SMAD5: variants seen among roughly 807,000 people sequenced by gnomAD.
SMAD5 encodes SMAD family member 5, also known as MAD, mothers against decapentaplegic homolog 5.
A neutral mutation model predicts 43.1 loss-of-function variants in SMAD5; 9 were observed. The observed-to-expected ratio is 0.21, with a 90% CI of 0.13 to 0.36. The LOEUF (loss-of-function observed/expected upper bound fraction) is 0.36. Among genes scored for constraint, SMAD5 ranks in the 10% least tolerant of loss-of-function variants. The pLI is 1.00. For missense variants in SMAD5, 348 were observed against 574.0 expected (o/e 0.61, Z 4.02); for synonymous variants, 190 against 192.4 (o/e 0.99, Z 0.10).
intron 5 of SMAD5, among the ~76,000 whole-genome samples, chr5:136,163,900 G>T (rs1421212269): frequency 1.3e-5 from 2 of 152,190 alleles, no homozygotes; most frequent in African/African-American, 2.4e-5. Flanking sequence ...AACATTTGCA[G>T]CTGGGCTCAG....
chr5:136,143,347 T>C (rs13178407), intron 1 of SMAD5, among the ~76,000 whole-genome samples: 4 of 151,932 alleles, frequency 2.6e-5, no homozygotes, highest in African/African-American at 9.7e-5. Context: ...CTACGCTTTG[T>C]CCCCCTAGTT....
intron 1 of SMAD5, among the ~76,000 whole-genome samples, chr5:136,143,149 G>GCCT (rs1424036781): frequency 6.6e-6 from 1 of 151,722 alleles, no homozygotes; most frequent in Non-Finnish European, 1.5e-5. Flanking sequence ...TCACCTTCTT[G>GCCT]CCTTGTTTTG....
chr5:136,141,282 C>T (rs935140108), intron 1 of SMAD5, among the ~76,000 whole-genome samples: 1 of 152,108 alleles, frequency 6.6e-6, no homozygotes, highest in African/African-American at 2.4e-5. Context: ...AGGAATAATG[C>T]TTCTGGAGTT....
At chr5:136,175,519 C>T (rs1272666063) in intron 7 of SMAD5, among the ~76,000 whole-genome samples, 1 of 152,126 alleles carries the variant, frequency 6.6e-6, no homozygotes, top group African/African-American at 2.4e-5. Context: ...AGTTTTTCAT[C>T]TACTCTCTTC....
Position 136,153,574 on chromosome 5 carries a change from T to C in SMAD5, c.-169-18T>C, listed in dbSNP as rs1051597260. The C allele has an allele frequency of 1.9e-6, 1 of 530,014 alleles. No homozygotes were observed. The highest frequency in any genetic ancestry group is 3.3e-6 in the Non-Finnish European group (1 of 301,084). The allele number at this position is 530,014 out of a possible 1,614,324, so 32.8% of individuals were successfully genotyped here. ...TGAATTGATTTAAACTAGGATCCTT[T>C]CCCCCTTTCTCTTTCAGGACTTGAC... On this transcript the variant is annotated intron_variant, in intron 2 of 7. Coordinates refer to ENST00000545279, the MANE Select transcript of SMAD5 (RefSeq NM_005903.7).
At position 136,132,974 on chromosome 5, in the gene SMAD5, T is replaced by G. The variant is rs907020526; in HGVS notation, c.-245+12T>G. ...TAGCCGGCTCGCGAGTGAGTGAGGG[T>G]CCCCGGCGCGCGCGGGCGAGGGGAA... On this transcript the variant is annotated intron_variant, in intron 1 of 7. Coordinates refer to ENST00000545279, the MANE Select transcript of SMAD5 (RefSeq NM_005903.7). 6.6e-6 allele frequency: 1 copy of G among 151,866 alleles called. No homozygotes were observed. The highest frequency in any genetic ancestry group is 1.9e-4 in the East Asian group (1 of 5,156). The allele number at this position is 151,866 out of a possible 1,614,324, so 9.4% of individuals were successfully genotyped here. A position where few individuals can be genotyped will look rare whatever the true frequency, so the allele number is the denominator to read the frequency against.
At chr5:136,154,778 C>G (rs1440122228) in intron 3 of SMAD5, among the ~76,000 whole-genome samples, 1 of 152,084 alleles carries the variant, frequency 6.6e-6, no homozygotes, top group Non-Finnish European at 1.5e-5. Context: ...GTCGAGATCA[C>G]TAGTGACTGC....
chr5:136,158,694 T>G (rs542558817), intron 3 of SMAD5, among the ~76,000 whole-genome samples: 113 of 152,202 alleles, frequency 7.4e-4, no homozygotes, highest in Non-Finnish European at 1.3e-3. Context: ...GGTCAGGAGA[T>G]CGAGACAATC....
intron 5 of SMAD5, among the ~76,000 whole-genome samples, chr5:136,167,519 T>C (rs1754063743): frequency 1.3e-5 from 2 of 152,276 alleles, no homozygotes; most frequent in South Asian, 4.2e-4. Context: ...GGCTCACTCC[T>C]GTAATCCCAG....
rs185108955 is a variant in SMAD5, at chr5:136,157,900, G to T, written c.404-2956G>T. Reference sequence around the variant, plus strand: ...GTGGGTTCTGGAGCCAGGCTTTCTGGATTTGAATCCTGGTTTTACCAAATA... The same window carrying T: ...GTGGGTTCTGGAGCCAGGCTTTCTGTATTTGAATCCTGGTTTTACCAAATA... On this transcript the variant is annotated intron_variant, in intron 3 of 7. Transcript: ENST00000545279. Among the ~76,000 whole-genome samples the T allele has an allele frequency of 1.2e-4, 18 of 152,234 alleles. No homozygotes were observed. In the South Asian group the frequency reaches 1.7e-3, roughly 14 times the overall value.
Position 136,156,275 on chromosome 5 carries a change from C to T in SMAD5, c.403+2112C>T, listed in dbSNP as rs547740756. Among the ~76,000 whole-genome samples the T allele has an allele frequency of 5.3e-5, 8 of 152,228 alleles. No homozygotes were observed. The South Asian group carries it at 1.2e-3, about 24-fold the overall frequency. Reference sequence around the variant, plus strand: ...TTCTTGTGGAATGTAATCATACATACGCTGTCACCTTTGCCATATTCTGTT... The same window carrying T: ...TTCTTGTGGAATGTAATCATACATATGCTGTCACCTTTGCCATATTCTGTT... On this transcript the variant is annotated intron_variant, in intron 3 of 7. Coordinates refer to ENST00000545279, the MANE Select transcript of SMAD5 (RefSeq NM_005903.7).
At chr5:136,167,653 T>C (rs1013106774) in intron 5 of SMAD5, among the ~76,000 whole-genome samples, 12 of 151,574 alleles carry the variant, frequency 7.9e-5, no homozygotes, top group African/African-American at 2.7e-4. Context: ...TGGTGGGTGC[T>C]TGTAATCCCA....
rs1418609359 is a variant in SMAD5, at chr5:136,179,479, G to A, written c.*1999G>A. 1 of 151,224 alleles carries A rather than the reference G, an allele frequency of 6.6e-6. No homozygotes were observed. Among genetic ancestry groups the A allele is most frequent in the African/African-American group, 2.4e-5 (1 of 41,008 alleles). The allele number at this position is 151,224 out of a possible 1,614,324, so 9.4% of individuals were successfully genotyped here. A position where few individuals can be genotyped will look rare whatever the true frequency, so the allele number is the denominator to read the frequency against. ...TCTGCTCTTGTGAAGAAAAAAAAAA[G>A]CATTTTCGAGGAAAGAATTATGCAA... is the stretch of plus-strand genomic sequence containing the variant. On this transcript the variant is annotated 3_prime_UTR_variant, in exon 8 of 8. Transcript: ENST00000545279.
chr5:136,157,548 G>C (rs1753680906), intron 3 of SMAD5, among the ~76,000 whole-genome samples: 1 of 152,142 alleles, frequency 6.6e-6, no homozygotes. Flanking sequence ...CCTGCAGCTA[G>C]GTTGTCTCAT....
chr5:136,143,265 TC>T (rs1217766806), intron 1 of SMAD5, among the ~76,000 whole-genome samples: 2 of 147,684 alleles, frequency 1.4e-5, no homozygotes, highest in African/African-American at 5.0e-5. Context: ...CCCTCGTATC[TC>T]TTTTTTTTTT....
intron 5 of SMAD5, among the ~76,000 whole-genome samples, chr5:136,170,613 A>G (rs1328110489): frequency 6.6e-6 from 1 of 152,150 alleles, no homozygotes; most frequent in South Asian, 2.1e-4. Flanking sequence ...TCTATATCCA[A>G]AAAATAGCTT....
chr5:136,135,128 C>A (rs184062074), intron 1 of SMAD5, among the ~76,000 whole-genome samples: 72 of 152,218 alleles, frequency 4.7e-4, no homozygotes, highest in African/African-American at 1.4e-3. Flanking sequence ...GATTTCTTTC[C>A]CCTCTGGCAA....
chr5:136,165,662 A>ATATTTTTTTTTTT (rs1561653930), intron 5 of SMAD5, among the ~76,000 whole-genome samples: 8 of 65,452 alleles, frequency 1.2e-4, no homozygotes, highest in South Asian at 1.3e-3. Context: ...GAATCATACA[A>ATATTTTTTTTTTT]TTTTTTTTTT....
chr5:136,145,581 C>A (rs1003456112), intron 1 of SMAD5, among the ~76,000 whole-genome samples: 3 of 151,964 alleles, frequency 2.0e-5, no homozygotes, highest in Non-Finnish European at 4.4e-5. Context: ...TCTTAAAGTA[C>A]ATGACTGTAT....
Sources: gnomAD v4.1 joint callset for allele counts (sites outside exome capture counted in the v4.1 genomes callset) on GRCh38, gnomAD v4.1.1 for gene constraint, MANE v1.5 for transcripts, NCBI Gene and HGNC (gene_info 2026-07-23, HGNC 2026-07-21) for gene names.